Variants in KNG1 observed in about 807,000 individuals in gnomAD.
KNG1 encodes the protein kininogen 1.
A neutral mutation model predicts 47.8 loss-of-function variants in KNG1; 23 were observed. The ratio of observed to expected loss-of-function variants is 0.48; its 90% CI spans 0.35 to 0.68. KNG1 has a LOEUF of 0.68. Ranked by LOEUF, KNG1 falls within the 30% of genes least tolerant of loss-of-function variation. KNG1 has a pLI of 0.01. For synonymous variants in KNG1, 277 were observed against 277.0 expected, an observed-to-expected ratio of 1.00 and a Z score of 0.00; for missense variants, 762 against 790.2, an observed-to-expected ratio of 0.96 and a Z score of 0.43.
chr3:186,739,300 CT>C (rs761084292), intron 8 of KNG1, 27 bp from the exon 9 acceptor site: 2 of 1,595,248 alleles, frequency 1.3e-6, no homozygotes, highest in East Asian at 4.5e-5. Flanking sequence ...AACACTGTCT[CT>C]CTTTCGACTT....
rs1720318792 is a variant in KNG1, at chr3:186,725,105, ACAGCC to A, written c.413_417del (p.Ala138ValfsTer29). On this transcript the variant is annotated frameshift_variant, in exon 4 of 10. Transcript: ENST00000644859. LOFTEE classifies it high-confidence loss of function. ...TTGTTAAGCCGAGGGCCCTGTGGTG[ACAGCC>A]CAGTACGACTGCCTCGGCTGTGTGC... 2 of 1,613,948 alleles carry A rather than the reference ACAGCC, an allele frequency of 1.2e-6. No homozygotes were observed. The highest frequency in any genetic ancestry group is 1.7e-6 in the Non-Finnish European group (2 of 1,180,018).
chr3:186,720,326 A>C, intron 2 of KNG1, 111 bp downstream of exon 2: 2 of 740,720 alleles, frequency 2.7e-6, no homozygotes, highest in Non-Finnish European at 4.9e-6. Context: ...GAGAAATGCA[A>C]ATAAACATTC....
chr3:186,734,367 T>A (rs1409545355), intron 7 of KNG1, among the ~76,000 whole-genome samples: 1 of 152,066 alleles, frequency 6.6e-6, no homozygotes, highest in Non-Finnish European at 1.5e-5. Flanking sequence ...TGTGCGGAGC[T>A]CTTGATATGG....
Position 186,741,860 on chromosome 3 carries a change from C to A in KNG1, c.1464C>A (p.Gly488=), listed in dbSNP as rs2108638143. ...ATGATGATCTTGAACACCAAGGGGGCCATGTCCTTGACCATGGACATAAGC... is the reference window on the plus strand; with the variant it reads ...ATGATGATCTTGAACACCAAGGGGGACATGTCCTTGACCATGGACATAAGC... The part of the protein sequence containing the change: ...KLDDDLEHQG[G]HVLDHGHKHK... The change falls in exon 10 of 10, where the codon GGC becomes GGA. Residue 488 remains glycine (G), a synonymous_variant. Transcript: ENST00000644859. 1 of 1,613,562 alleles carries A rather than the reference C, an allele frequency of 6.2e-7. No individual in the cohort carries two copies. Among genetic ancestry groups the A allele is most frequent in the Non-Finnish European group, 8.5e-7 (1 of 1,179,640 alleles).
rs201023867 is a variant in KNG1 at position 186,737,373 on chromosome 3, GC to G, written c.931-1724del. On this transcript the variant is annotated intron_variant, in intron 7 of 9. Transcript: ENST00000644859. Reference sequence around the variant, plus strand: ...TTCTATATCATAGTTTTCCCAGCTTGCCTTTCTACTTTGCTTATTGTGATTT... The same window carrying G: ...TTCTATATCATAGTTTTCCCAGCTTGCTTTCTACTTTGCTTATTGTGATTT... Among the ~76,000 whole-genome samples, 1,321 of 151,916 alleles carry G rather than the reference GC, an allele frequency of 8.7e-3. 15 individuals are homozygous for G. The highest frequency in any genetic ancestry group is 0.031 in the African/African-American group (1,273 of 41,344).
chr3:186,717,670 A>C lies in KNG1; in HGVS notation c.128A>C (p.Lys43Thr). The C allele has an allele frequency of 6.2e-7, 1 of 1,613,244 alleles. No homozygotes were observed. Among genetic ancestry groups the C allele is most frequent in the Non-Finnish European group, 8.5e-7 (1 of 1,179,822 alleles). Residue 43 changes from lysine to threonine, a missense_variant, in exon 1 of 10, where the codon AAA (lysine) becomes ACA (threonine). Physicochemically the swap from Lys to Thr is moderately conservative, Grantham distance 78. Transcript: ENST00000644859. ...LFKAVDAALK[K>T]YNSQNQSNNQ... ...AAAGCTGTGGATGCTGCTCTGAAGAAATATAACAGTCAAAACCAAAGTAAC... is the reference window on the plus strand; with the variant it reads ...AAAGCTGTGGATGCTGCTCTGAAGACATATAACAGTCAAAACCAAAGTAAC...
intron 7 of KNG1, chr3:186,736,322 A>G (rs936789448): frequency 6.6e-6 from 1 of 152,258 alleles, no homozygotes; most frequent in African/African-American, 2.4e-5. Flanking sequence ...AATTAAACAT[A>G]TGATGAATTT....
chr3:186,722,869 C>G (rs1282436179), intron 3 of KNG1, among the ~76,000 whole-genome samples: 4 of 152,198 alleles, frequency 2.6e-5, no homozygotes, highest in Non-Finnish European at 5.9e-5. Context: ...TGGAATCTTT[C>G]AGAGCTCCTT....
intron 1 of KNG1, 83 bp downstream of exon 1, chr3:186,717,820 AC>A: frequency 5.2e-6 from 5 of 957,876 alleles, no homozygotes; most frequent in Non-Finnish European, 4.9e-6. Flanking sequence ...ACACACACAT[AC>A]CACCACCAGC....
chr3:186,725,305 G>C, intron 4 of KNG1, 45 bp downstream of exon 4: 5 of 1,569,506 alleles, frequency 3.2e-6, no homozygotes, highest in Non-Finnish European at 4.4e-6. Context: ...ACTAAAATTT[G>C]TTAGATCTTT....
intron 9 of KNG1, 146 bp downstream of exon 9, chr3:186,739,560 C>A: frequency 1.4e-6 from 1 of 713,628 alleles, no homozygotes; most frequent in South Asian, 1.5e-5. Flanking sequence ...CTGTGCTGAT[C>A]TCTGTTTAAT....
At chr3:186,725,383 T>A in intron 4 of KNG1, 123 bp downstream of exon 4, 1 of 932,662 alleles carries the variant, frequency 1.1e-6, no homozygotes, top group Non-Finnish European at 1.7e-6. Context: ...GCGAAGAGCT[T>A]TCTCCTTAGT....
chr3:186,742,500 G>A lies in KNG1; in HGVS notation c.*169G>A. ...AGTGGAGACACCATCAGTCTCCACG[G>A]ACTGCATAAAATTGTGTGCCACAAT... On this transcript the variant is annotated 3_prime_UTR_variant, in exon 10 of 10. Transcript: ENST00000644859. 6.9e-7 allele frequency: 1 copy of A among 1,445,392 alleles called. No individual in the cohort carries two copies. The allele number at this position is 1,445,392 out of a possible 1,614,324, so 89.5% of individuals were successfully genotyped here. A position where few individuals can be genotyped will look rare whatever the true frequency, so the allele number is the denominator to read the frequency against.
chr3:186,744,077 C>T lies in KNG1; in HGVS notation c.*1746C>T, dbSNP rs1720881109. The T allele has an allele frequency of 2.2e-6, 1 of 455,582 alleles. No homozygotes were observed. The highest frequency in any genetic ancestry group is 3.4e-5 in the Admixed American group (1 of 29,098). 28.2% of individuals were successfully genotyped at this position (455,582 alleles called of 1,614,324 possible). On this transcript the variant is annotated 3_prime_UTR_variant, in exon 10 of 10. Coordinates refer to ENST00000644859, the MANE Select transcript of KNG1 (RefSeq NM_001102416.3). ...ACACTGGAACATTCCCTAGCCAAGG[C>T]AGAAGTCCTTAGGCGGGACTTCCTT...
rs774360250 is a variant in KNG1, at chr3:186,742,074, T to C, written c.1678T>C (p.Phe560Leu). 1 of 1,613,944 alleles carries C rather than the reference T, an allele frequency of 6.2e-7. No individual in the cohort carries two copies. The highest frequency in any genetic ancestry group is 8.5e-7 in the Non-Finnish European group (1 of 1,179,882). Reference protein sequence around the residue: ...SLAKPGVTVTFSDFQDSDLIA... With the variant: ...SLAKPGVTVTLSDFQDSDLIA... ...AGCCAAGCCAGGTGTAACAGTTACCTTTTCTGACTTTCAGGACTCTGATCT... is the reference window on the plus strand; with the variant it reads ...AGCCAAGCCAGGTGTAACAGTTACCCTTTCTGACTTTCAGGACTCTGATCT... The change falls in exon 10 of 10, where the codon TTT becomes CTT. Residue 560 changes from phenylalanine (F) to leucine (L), a missense_variant. Phe to Leu is a conservative substitution (Grantham distance 22). Transcript: ENST00000644859.
chr3:186,724,693 CTTTCTTTTTTTT>C (rs1720299080), intron 3 of KNG1, among the ~76,000 whole-genome samples: 1 of 150,716 alleles, frequency 6.6e-6, no homozygotes, highest in African/African-American at 2.4e-5. Flanking sequence ...TATTGTTTTT[CTTTCTTTTTTTT>C]TTTCTTTTGA....
Position 186,725,071 on chromosome 3 carries a change from G to T in KNG1, c.392-17G>T, listed in dbSNP as rs1359732613. ...TTGCGATCATTAATGCTGTGTTTTT[G>T]TCTGCTCTTTGTTAAGCCGAGGGCC... On this transcript the variant is annotated splice_polypyrimidine_tract_variant and intron_variant, in intron 3 of 9. Transcript: ENST00000644859. 5 of 1,613,562 alleles carry T rather than the reference G, an allele frequency of 3.1e-6. No homozygotes were observed. Among genetic ancestry groups the T allele is most frequent in the Non-Finnish European group, 3.4e-6 (4 of 1,179,848 alleles).
intron 1 of KNG1, 36 bp downstream of exon 1, chr3:186,717,773 G>C (rs1442398924): frequency 7.4e-6 from 11 of 1,493,610 alleles, no homozygotes; most frequent in Non-Finnish European, 9.3e-6. Context: ...AGTCACTTGG[G>C]ATTTGTACTA....
intron 2 of KNG1, chr3:186,721,855 C>A: frequency 1.3e-5 from 2 of 157,946 alleles, no homozygotes; most frequent in Non-Finnish European, 2.8e-5. Flanking sequence ...GTGGCTCACA[C>A]CTGTAATCGT....
Sources: allele counts gnomAD v4.1 joint callset (sites outside exome capture counted in the v4.1 genomes callset), GRCh38; gene constraint gnomAD v4.1.1; transcripts MANE v1.5; gene names NCBI Gene and HGNC (gene_info 2026-07-23, HGNC 2026-07-21).